PABPC4: variants seen among roughly 807,000 people sequenced by gnomAD.
PABPC4 encodes the protein polyadenylate-binding protein 4.
In PABPC4, 15 loss-of-function variants were observed where a neutral mutation model predicts 74.5. That is an observed-to-expected ratio of 0.20 (90% CI 0.13 to 0.31). The LOEUF (loss-of-function observed/expected upper bound fraction) is 0.31. PABPC4 is among the 10% of genes least tolerant of loss of function. The pLI is 1.00. For missense variants in PABPC4, 610 were observed against 853.5 expected, an observed-to-expected ratio of 0.71 and a Z score of 3.55; for synonymous variants, 345 against 303.0, an observed-to-expected ratio of 1.14 and a Z score of -1.44.
chr1:39,567,465 C>T (rs188696050), intron 7 of PABPC4: 7 of 563,088 alleles, frequency 1.2e-5, no homozygotes, highest in African/African-American at 3.7e-5. Flanking sequence ...CCATCTGTCC[C>T]CACACCGGCA....
intron 1 of PABPC4, among the ~76,000 whole-genome samples, chr1:39,573,908 T>G (rs530913447): frequency 6.6e-6 from 1 of 152,278 alleles, no homozygotes; most frequent in East Asian, 1.9e-4. Flanking sequence ...GCAACAAGGA[T>G]GCCCAGATCT....
In PABPC4 at chr1:39,569,852, C is replaced by T. The variant is rs766550060; in HGVS notation, c.643+11G>A. 4 of 1,613,406 alleles carry T rather than the reference C, an allele frequency of 2.5e-6. No individual in the cohort carries two copies. Among genetic ancestry groups the T allele is most frequent in the African/African-American group, 1.3e-5 (1 of 74,880 alleles). On this transcript the variant is annotated intron_variant, in intron 4 of 15. Coordinates refer to ENST00000372858, the MANE Select transcript of PABPC4 (RefSeq NM_001135653.2). ...GTAGACTGTGAAAGGAGACAAGGAA[C>T]CCCAACTTACCAAACTGACTGAATA... is the stretch of plus-strand genomic sequence containing the variant.
At chr1:39,568,129 T>C (rs927918707) in intron 6 of PABPC4, 32 of 274,576 alleles carry the variant, frequency 1.2e-4, no homozygotes, top group Admixed American at 5.6e-4. Flanking sequence ...TGGTGGCGGG[T>C]GCCTGTAGTC....
At chr1:39,569,353 A>G in intron 5 of PABPC4, 2 of 547,952 alleles carry the variant, frequency 3.6e-6, no homozygotes, top group Non-Finnish European at 6.5e-6. Context: ...GCAGCATAAC[A>G]AACGTCTGTC....
At chr1:39,563,213 A>G (rs898765802) in intron 12 of PABPC4, 12 of 197,392 alleles carry the variant, frequency 6.1e-5, no homozygotes, top group Non-Finnish European at 6.2e-5. Flanking sequence ...CACACTTTAC[A>G]TCTTTGAAGC....
intron 12 of PABPC4, chr1:39,563,181 T>C: frequency 5.8e-6 from 1 of 171,076 alleles, no homozygotes; most frequent in Non-Finnish European, 1.3e-5. Context: ...AAGCTCTAGG[T>C]TCAACCCCTT....
chr1:39,564,186 C>G (rs1645801883), intron 10 of PABPC4: 1 of 628,916 alleles, frequency 1.6e-6, no homozygotes, highest in African/African-American at 1.8e-5. Flanking sequence ...TAGCAAACTT[C>G]TACAACTAAC....
At chr1:39,569,348 A>G (rs554223520) in intron 5 of PABPC4, 37 of 543,142 alleles carry the variant, frequency 6.8e-5, no homozygotes, top group Non-Finnish European at 8.8e-5. Context: ...CCTTTGCAGC[A>G]TAACAAACGT....
chr1:39,572,863 T>A (rs1406678237), intron 1 of PABPC4, among the ~76,000 whole-genome samples: 1 of 152,214 alleles, frequency 6.6e-6, no homozygotes, highest in East Asian at 1.9e-4. Flanking sequence ...ATAATCTAAA[T>A]GGCCTTAATG....
chr1:39,561,392 G>A (rs1645767223), intron 15 of PABPC4: 5 of 375,498 alleles, frequency 1.3e-5, no homozygotes, highest in Non-Finnish European at 2.5e-5. Context: ...ACCAGCTCTG[G>A]TCCTTACCAT....
chr1:39,566,109 T>C (rs1387837231), intron 7 of PABPC4, among the ~76,000 whole-genome samples: 3 of 152,210 alleles, frequency 2.0e-5, no homozygotes, highest in African/African-American at 4.8e-5. Context: ...TGAAACACTA[T>C]GATATGGCTA....
intron 1 of PABPC4, among the ~76,000 whole-genome samples, chr1:39,574,912 G>A (rs563065862): frequency 3.3e-5 from 5 of 152,340 alleles, no homozygotes; most frequent in Admixed American, 3.3e-4. Flanking sequence ...AATCTGAGGT[G>A]GCAGAGCACT....
At chr1:39,567,911 C>T (rs1645873678) in intron 6 of PABPC4, 65 bp from the exon 7 acceptor site, 1 of 943,048 alleles carries the variant, frequency 1.1e-6, no homozygotes. Flanking sequence ...GAAAGTGGTT[C>T]CCCAAGGGTG....
Position 39,576,196 on chromosome 1 carries a change from T to A in PABPC4, c.-245A>T, listed in dbSNP as rs984594794. 7.6e-5 allele frequency: 31 copies of A among 407,558 alleles called. No individual in the cohort carries two copies. Among genetic ancestry groups the A allele is most frequent in the Non-Finnish European group, 1.2e-4 (27 of 230,568 alleles). The allele number at this position is 407,558 out of a possible 1,614,324, so 25.2% of individuals were successfully genotyped here. ...CACAATACGGCCCTCCCCGCGACTT[T>A]GCACTTCTCCGCGGTCCTGGTGCGA... On this transcript the variant is annotated 5_prime_UTR_variant, in exon 1 of 16. Transcript: ENST00000372858.
chr1:39,572,202 A>G (rs1645951863), intron 2 of PABPC4, among the ~76,000 whole-genome samples, 191 bp downstream of exon 2: 1 of 152,228 alleles, frequency 6.6e-6, no homozygotes, highest in Non-Finnish European at 1.5e-5. Context: ...GAACAAGGGT[A>G]TGAAAGCGTG....
At position 39,560,888 on chromosome 1, in the gene PABPC4, G is replaced by GA. The variant is rs559381842; in HGVS notation, c.*247dup. ...CATCAAATAAAACCAATTTCTGGGG[G>GA]AAAAAATCAAAACCCACAATAAAAA... On this transcript the variant is annotated 3_prime_UTR_variant, in exon 16 of 16. Coordinates refer to ENST00000372858, the MANE Select transcript of PABPC4 (RefSeq NM_001135653.2). The GA allele has an allele frequency of 2.8e-3, 552 of 199,466 alleles. 3 individuals carry two copies. Among genetic ancestry groups the GA allele is most frequent in the African/African-American group, 0.012 (509 of 43,630 alleles). The allele number at this position is 199,466 out of a possible 1,614,324, so 12.4% of individuals were successfully genotyped here.
At chr1:39,564,326 T>A in intron 10 of PABPC4, 97 bp downstream of exon 10, 1 of 1,415,988 alleles carries the variant, frequency 7.1e-7, no homozygotes, top group Admixed American at 2.1e-5. Flanking sequence ...CAGGACTCGA[T>A]AAATTCGAGC....
chr1:39,574,909 G>A (rs1019901120), intron 1 of PABPC4, among the ~76,000 whole-genome samples: 2 of 152,238 alleles, frequency 1.3e-5, no homozygotes, highest in Non-Finnish European at 2.9e-5. Context: ...CACAATCTGA[G>A]GTGGCAGAGC....
At chr1:39,562,510 G>T in intron 12 of PABPC4, 94 bp from the exon 13 acceptor site, 1 of 863,896 alleles carries the variant, frequency 1.2e-6, no homozygotes, top group Non-Finnish European at 1.8e-6. Context: ...ATCTGACTAT[G>T]TGAAAGAGGA....
Sources: gnomAD v4.1 joint callset for allele counts (sites outside exome capture counted in the v4.1 genomes callset) on GRCh38, gnomAD v4.1.1 for gene constraint, MANE v1.5 for transcripts, NCBI Gene and HGNC (gene_info 2026-07-23, HGNC 2026-07-21) for gene names.